Variants in NIPSNAP1 observed in about 807,000 individuals in gnomAD.
NIPSNAP1 encodes protein NipSnap homolog 1.
In NIPSNAP1, 25 loss-of-function variants were observed where a neutral mutation model predicts 49.2. The ratio of observed to expected loss-of-function variants is 0.51; its 90% CI spans 0.37 to 0.71. The LOEUF (loss-of-function observed/expected upper bound fraction) is 0.71. Among genes scored for constraint, NIPSNAP1 ranks in the 30% least tolerant of loss-of-function variants. NIPSNAP1 has a pLI of 0.00. For synonymous variants in NIPSNAP1, 143 were observed against 140.7 expected (o/e 1.02, Z -0.12); for missense variants, 294 against 361.0 (o/e 0.81, Z 1.50).
In NIPSNAP1 at chr22:29,574,261, CAAAAAAAAAAAAA is replaced by C. The variant is rs1158442759; in HGVS notation, c.99-3742_99-3730del. Among the ~76,000 whole-genome samples, 8 of 36,696 alleles carry C rather than the reference CAAAAAAAAAAAAA, an allele frequency of 2.2e-4. 1 individual carries two copies. The highest frequency in any genetic ancestry group is 0.034 in the Middle Eastern group (2 of 58). The allele number at this position is 36,696 out of a possible 152,430, so 24.1% of individuals were successfully genotyped here. On this transcript the variant is annotated intron_variant, in intron 1 of 9. Transcript: ENST00000216121. ...ATGACAGAGTGAGACTCCATCTTCA[CAAAAAAAAAAAAA>C]AAAAAAAAAAAAAAAAAAGAAAGAA... is the stretch of plus-strand genomic sequence containing the variant.
intron 4 of NIPSNAP1, among the ~76,000 whole-genome samples, chr22:29,566,677 A>T (rs573423435): frequency 1.3e-5 from 2 of 152,132 alleles, no homozygotes; most frequent in East Asian, 3.9e-4. Context: ...ATAAAAAATT[A>T]GCTGGCTGTG....
chr22:29,565,296 G>A lies in NIPSNAP1; in HGVS notation c.368-3434C>T, dbSNP rs144963509. Among the ~76,000 whole-genome samples, 32 of 152,156 alleles carry A rather than the reference G, an allele frequency of 2.1e-4. 1 individual carries two copies. Among genetic ancestry groups the A allele is most frequent in the African/African-American group, 7.2e-4 (30 of 41,512 alleles). ...GGAGGCCGAGGCAGGTGGATCAACT[G>A]TGGTCAGGAGTTCGAGACCAGCCTG... is the stretch of plus-strand genomic sequence containing the variant. On this transcript the variant is annotated intron_variant, in intron 4 of 9. Coordinates refer to ENST00000216121, the MANE Select transcript of NIPSNAP1 (RefSeq NM_003634.4).
intron 1 of NIPSNAP1, among the ~76,000 whole-genome samples, chr22:29,580,632 C>A (rs550463015): frequency 6.6e-6 from 1 of 152,268 alleles, no homozygotes; most frequent in East Asian, 1.9e-4. Flanking sequence ...GACGGAGGAG[C>A]TGACTACCAG....
At chr22:29,576,920 G>A (rs1199274957) in intron 1 of NIPSNAP1, among the ~76,000 whole-genome samples, 11 of 145,658 alleles carry the variant, frequency 7.6e-5, no homozygotes, top group South Asian at 2.2e-4. Flanking sequence ...ATGAGACTCC[G>A]TCTCAAAAAA....
chr22:29,564,442 A>G, intron 4 of NIPSNAP1: 1 of 469,260 alleles, frequency 2.1e-6, no homozygotes, highest in Non-Finnish European at 4.4e-6. Context: ...AATTTTCTTT[A>G]TTTTTCTGTC....
intron 9 of NIPSNAP1, among the ~76,000 whole-genome samples, chr22:29,557,420 T>C (rs900960768): frequency 1.3e-5 from 2 of 151,274 alleles, no homozygotes; most frequent in Admixed American, 6.6e-5. Flanking sequence ...GCTTGTCTTG[T>C]TTTTTATTAT....
At position 29,555,602 on chromosome 22, in the gene NIPSNAP1, G is replaced by A; in HGVS notation, c.*333C>T. The stretch of plus-strand genomic sequence containing the variant: ...TTTTGTGCAACTAAGCTAAACAGAG[G>A]ATTTCCAAGGGTGATAACTGGGGAC... On this transcript the variant is annotated 3_prime_UTR_variant, in exon 10 of 10. Coordinates refer to ENST00000216121, the MANE Select transcript of NIPSNAP1 (RefSeq NM_003634.4). 2.9e-6 allele frequency: 1 copy of A among 344,882 alleles called. No homozygotes were observed. Among genetic ancestry groups the A allele is most frequent in the South Asian group, 2.5e-5 (1 of 39,466 alleles). The allele number at this position is 344,882 out of a possible 1,614,324, so 21.4% of individuals were successfully genotyped here. A position where few individuals can be genotyped will look rare whatever the true frequency, so the allele number is the denominator to read the frequency against.
intron 4 of NIPSNAP1, among the ~76,000 whole-genome samples, chr22:29,562,075 A>C (rs1601488974): frequency 6.6e-6 from 1 of 152,168 alleles, no homozygotes; most frequent in East Asian, 1.9e-4. Flanking sequence ...TTTGAGCTCC[A>C]GCTCTGCCCA....
At chr22:29,569,841 T>C (rs932190178) in intron 3 of NIPSNAP1, 3 of 395,676 alleles carry the variant, frequency 7.6e-6, no homozygotes, top group African/African-American at 6.2e-5. Flanking sequence ...ACAAAAAAAT[T>C]AGCCATGCTT....
At chr22:29,574,259 C>CAGAAA (rs2064432045) in intron 1 of NIPSNAP1, among the ~76,000 whole-genome samples, 1 of 15,812 alleles carries the variant, frequency 6.3e-5, no homozygotes. Context: ...ACTCCATCTT[C>CAGAAA]ACAAAAAAAA....
intron 9 of NIPSNAP1, among the ~76,000 whole-genome samples, chr22:29,556,544 A>AAAAAAAGAGT (rs2064295971): frequency 6.6e-6 from 1 of 151,976 alleles, no homozygotes; most frequent in African/African-American, 2.4e-5. Context: ...GAAAAGAAAA[A>AAAAAAAGAGT]CACTGATTTA....
At chr22:29,564,810 C>G (rs1271021911) in intron 4 of NIPSNAP1, among the ~76,000 whole-genome samples, 1 of 152,204 alleles carries the variant, frequency 6.6e-6, no homozygotes, top group Non-Finnish European at 1.5e-5. Flanking sequence ...GAACCCTACT[C>G]CCAGCGTACA....
At chr22:29,575,389 C>G (rs2064443815) in intron 1 of NIPSNAP1, among the ~76,000 whole-genome samples, 1 of 152,134 alleles carries the variant, frequency 6.6e-6, no homozygotes, top group Non-Finnish European at 1.5e-5. Context: ...GTCAAATGAG[C>G]AGGGTGGTGG....
chr22:29,560,941 C>T lies in NIPSNAP1; in HGVS notation c.612-113G>A, dbSNP rs76432899. ...GGCCTAGGTGGAACCCACGGTCCTC[C>T]GGGATGCTGAGAGAAAGGACTGATG... On this transcript the variant is annotated intron_variant, in intron 7 of 9. Transcript: ENST00000216121. 3.7e-3 allele frequency: 3,928 copies of T among 1,064,010 alleles called. 104 individuals are homozygous for T. In the African/African-American group the frequency reaches 0.055, roughly 15 times the overall value. 65.9% of individuals were successfully genotyped at this position (1,064,010 alleles called of 1,614,324 possible). A position where few individuals can be genotyped will look rare whatever the true frequency, so the allele number is the denominator to read the frequency against.
At chr22:29,563,776 A>G (rs73388971) in intron 4 of NIPSNAP1, among the ~76,000 whole-genome samples, 2,070 of 152,274 alleles carry the variant, frequency 0.014, 55 homozygotes, top group African/African-American at 0.048. Context: ...AGAGACACAC[A>G]GAGAGAACAG....
At chr22:29,572,849 GAC>G (rs1366409440) in intron 1 of NIPSNAP1, among the ~76,000 whole-genome samples, 1 of 151,804 alleles carries the variant, frequency 6.6e-6, no homozygotes, top group Non-Finnish European at 1.5e-5. Flanking sequence ...CGGGTGTGGT[GAC>G]ACATGCCTGT....
rs1011414138 is a variant in NIPSNAP1, at chr22:29,555,721, G to C, written c.*214C>G. On this transcript the variant is annotated 3_prime_UTR_variant, in exon 10 of 10. Coordinates refer to ENST00000216121, the MANE Select transcript of NIPSNAP1 (RefSeq NM_003634.4). ...GGAAATCAGAAACTACTTCTAGCAG[G>C]GGGAGGGAGGCAGGCAGGGAAAGTA... 3 of 588,776 alleles carry C rather than the reference G, an allele frequency of 5.1e-6. No individual in the cohort carries two copies. Among genetic ancestry groups the C allele is most frequent in the Admixed American group, 5.6e-5 (2 of 35,676 alleles). The allele number at this position is 588,776 out of a possible 1,614,324, so 36.5% of individuals were successfully genotyped here. A position where few individuals can be genotyped will look rare whatever the true frequency, so the allele number is the denominator to read the frequency against.
intron 9 of NIPSNAP1, 21 bp downstream of exon 9, chr22:29,558,849 A>G (rs963206134): frequency 6.3e-7 from 1 of 1,575,548 alleles, no homozygotes; most frequent in African/African-American, 1.3e-5. Flanking sequence ...TCAGCAGAAG[A>G]CCTCCAAAGG....
In NIPSNAP1 at chr22:29,555,911, A is replaced by G. The variant is rs1364128302; in HGVS notation, c.*24T>C. On this transcript the variant is annotated 3_prime_UTR_variant, in exon 10 of 10. Transcript: ENST00000216121. ...TCGGGGTTGCCTGAGGGAGAAGGGG[A>G]AGGAGGTGGAGGTGTAGGCAGCATC... The G allele has an allele frequency of 6.5e-7, 1 of 1,549,388 alleles. No homozygotes were observed.
Sources: allele counts gnomAD v4.1 joint callset (sites outside exome capture counted in the v4.1 genomes callset), GRCh38; gene constraint gnomAD v4.1.1; transcripts MANE v1.5; gene names NCBI Gene and HGNC (gene_info 2026-07-23, HGNC 2026-07-21).